Variants in AGBL1 observed in about 807,000 individuals in gnomAD.
AGBL1 encodes cytosolic carboxypeptidase 4.
AGBL1 carries 130 observed loss-of-function variants against 118.9 expected under a neutral mutation model. The ratio of observed to expected loss-of-function variants is 1.09; its 90% CI spans 0.95 to 1.26. The LOEUF is 1.26. AGBL1 is among the 50% of genes most tolerant of loss of function. AGBL1 has a pLI of 0.00. For missense variants in AGBL1, 1,584 were observed against 1,298.1 expected (o/e 1.22, Z -3.38); for synonymous variants, 555 against 478.9 (o/e 1.16, Z -2.08).
At chr15:86,246,300 G>A (rs531099448) in intron 6 of AGBL1, among the ~76,000 whole-genome samples, 24 of 152,338 alleles carry the variant, frequency 1.6e-4, no homozygotes, top group Non-Finnish European at 1.2e-4. Flanking sequence ...AACCCGTGAA[G>A]TAACAGAAGT....
intron 1 of AGBL1, among the ~76,000 whole-genome samples, chr15:86,113,309 A>G (rs1457579514): frequency 2.6e-5 from 2 of 78,076 alleles, no homozygotes; most frequent in African/African-American, 9.6e-5. Flanking sequence ...TTTTTTGGAG[A>G]CTGAGTCTTA....
At chr15:86,578,873 A>T (rs1213653324) in intron 21 of AGBL1, among the ~76,000 whole-genome samples, 1 of 152,092 alleles carries the variant, frequency 6.6e-6, no homozygotes, top group Non-Finnish European at 1.5e-5. Context: ...GAAATTGCTC[A>T]GTCTCGGGTA....
intron 21 of AGBL1, among the ~76,000 whole-genome samples, chr15:86,664,357 T>C (rs1297270235): frequency 6.6e-6 from 1 of 152,202 alleles, no homozygotes; most frequent in Non-Finnish European, 1.5e-5. Flanking sequence ...CTGCTACCTA[T>C]TAGAGTTCAC....
intron 23 of AGBL1, chr15:86,939,692 T>A (rs750501675): frequency 1.3e-5 from 2 of 152,266 alleles, no homozygotes; most frequent in Non-Finnish European, 2.9e-5. Context: ...CCTGCAGATA[T>A]GCCAACTTAT....
Position 86,627,243 on chromosome 15 carries a change from G to A in AGBL1, c.2995-47030G>A, listed in dbSNP as rs147432306. ...TCGAACTCCCGACCTCAGGTGATTC[G>A]CCCACCTCAGCCTCCCAAAGTGCTG... On this transcript the variant is annotated intron_variant, in intron 21 of 22. Transcript: ENST00000614907. Among the ~76,000 whole-genome samples, 452 of 152,186 alleles carry A rather than the reference G, an allele frequency of 3.0e-3. 3 individuals carry two copies. The highest frequency in any genetic ancestry group is 0.01 in the African/African-American group (425 of 41,508).
intron 23 of AGBL1, among the ~76,000 whole-genome samples, chr15:86,979,346 A>T (rs141964752): frequency 1.3e-5 from 2 of 152,222 alleles, no homozygotes. Context: ...TATAATGCAC[A>T]TTTGTTTCCC....
At chr15:86,382,341 T>G (rs2081124096) in intron 17 of AGBL1, among the ~76,000 whole-genome samples, 1 of 152,232 alleles carries the variant, frequency 6.6e-6, no homozygotes, top group Non-Finnish European at 1.5e-5. Context: ...AGACTTTGTA[T>G]GCAGATCTCA....
At chr15:86,275,521 GC>G (rs765781385) in intron 15 of AGBL1, among the ~76,000 whole-genome samples, 7 of 152,130 alleles carry the variant, frequency 4.6e-5, no homozygotes, top group Non-Finnish European at 7.4e-5. Context: ...CTTATTTTAT[GC>G]ACCCTGCTGA....
At chr15:86,297,777 A>G (rs894736206) in intron 17 of AGBL1, among the ~76,000 whole-genome samples, 2 of 152,144 alleles carry the variant, frequency 1.3e-5, no homozygotes, top group African/African-American at 4.8e-5. Context: ...GTTAAATACT[A>G]TGATCAGTAG....
intron 22 of AGBL1, among the ~76,000 whole-genome samples, chr15:86,754,685 C>G (rs34017168): frequency 0.21 from 31,767 of 151,978 alleles, 3,620 homozygotes; most frequent in Non-Finnish European, 0.26. Flanking sequence ...TCTTCCACTC[C>G]GGTGTTCAAT....
intron 5 of AGBL1, among the ~76,000 whole-genome samples, chr15:86,212,691 C>A (rs1040671251): frequency 2.6e-5 from 4 of 152,086 alleles, no homozygotes; most frequent in Non-Finnish European, 4.4e-5. Flanking sequence ...ACTCTGTTGC[C>A]CAGGCTGGAG....
chr15:87,013,986 A>G (rs1451876218), intron 24 of AGBL1, among the ~76,000 whole-genome samples: 1 of 152,118 alleles, frequency 6.6e-6, no homozygotes, highest in Non-Finnish European at 1.5e-5. Context: ...AAAGCAAAAT[A>G]GAGTCCAACT....
At chr15:86,198,878 A>G (rs2077859466) in intron 5 of AGBL1, among the ~76,000 whole-genome samples, 1 of 152,184 alleles carries the variant, frequency 6.6e-6, no homozygotes, top group African/African-American at 2.4e-5. Context: ...ATATTTTATT[A>G]TTATTGCTGT....
chr15:86,205,517 T>C (rs1399923941), intron 5 of AGBL1, among the ~76,000 whole-genome samples: 1 of 152,240 alleles, frequency 6.6e-6, no homozygotes, highest in Non-Finnish European at 1.5e-5. Context: ...TTTAGCTTTG[T>C]AAGAAGCTGT....
chr15:86,840,652 C>G (rs922532065), intron 22 of AGBL1, among the ~76,000 whole-genome samples: 1 of 152,038 alleles, frequency 6.6e-6, no homozygotes, highest in Non-Finnish European at 1.5e-5. Flanking sequence ...ACCATGTTAG[C>G]CAGGCTCAAA....
rs140451987 is a variant in AGBL1 at position 86,598,777 on chromosome 15, T to C, written c.2994+44240T>C. Among the ~76,000 whole-genome samples the C allele has an allele frequency of 1.4e-3, 219 of 152,268 alleles. 1 individual carries two copies. The South Asian group carries it at 0.019, about 13-fold the overall frequency. On this transcript the variant is annotated intron_variant, in intron 21 of 22. Transcript: ENST00000614907. ...TTGAGATGACTTACTGTAGATATGT[T>C]AATGATATTTAAATATAGAAATGCA... is the stretch of plus-strand genomic sequence containing the variant.
chr15:86,879,367 G>T (rs1426365089), intron 22 of AGBL1, among the ~76,000 whole-genome samples: 4 of 152,128 alleles, frequency 2.6e-5, no homozygotes, highest in Non-Finnish European at 4.4e-5. Flanking sequence ...TCCCCACATG[G>T]TCTTTTTTTG....
intron 21 of AGBL1, among the ~76,000 whole-genome samples, chr15:86,669,028 T>C (rs963867447): frequency 1.3e-5 from 2 of 152,068 alleles, no homozygotes; most frequent in Middle Eastern, 3.2e-3. Context: ...CTCAAGTACT[T>C]AGGGGAGAAA....
chr15:86,361,570 T>C (rs1381958323), intron 17 of AGBL1, among the ~76,000 whole-genome samples: 1 of 152,122 alleles, frequency 6.6e-6, no homozygotes, highest in Non-Finnish European at 1.5e-5. Context: ...ATTATTGTGT[T>C]GATGTCTATT....
Sources: allele counts gnomAD v4.1 joint callset (sites outside exome capture counted in the v4.1 genomes callset), GRCh38; gene constraint gnomAD v4.1.1; transcripts MANE v1.5; gene names NCBI Gene and HGNC (gene_info 2026-07-23, HGNC 2026-07-21).